GPHN: variants seen among roughly 807,000 people sequenced by gnomAD.
GPHN encodes gephyrin.
A neutral mutation model predicts 95.5 loss-of-function variants in GPHN; 17 were observed. That is an observed-to-expected ratio of 0.18 (90% CI 0.12 to 0.27). GPHN has a LOEUF of 0.27. Ranked by LOEUF, GPHN falls within the 10% of genes least tolerant of loss-of-function variation. The pLI, the probability that GPHN is intolerant of heterozygous loss-of-function variation, is 1.00. For synonymous variants in GPHN, 320 were observed against 322.5 expected, an observed-to-expected ratio of 0.99 and a Z score of 0.08; for missense variants, 660 against 978.1, an observed-to-expected ratio of 0.67 and a Z score of 4.34.
At chr14:66,778,553 A>T (rs2059477859) in intron 3 of GPHN, among the ~76,000 whole-genome samples, 1 of 152,122 alleles carries the variant, frequency 6.6e-6, no homozygotes, top group Non-Finnish European at 1.5e-5. Context: ...TTAATAATGA[A>T]GAATAAACAA....
the GPHN span, chr14:67,345,710 C>T: frequency 2.8e-5 from 34 of 1,195,432 alleles, no homozygotes; most frequent in Non-Finnish European, 4.1e-5. Context: ...CCTGACTCTC[C>T]TCCACTTGAC....
At chr14:67,049,328 C>T (rs1464088725) in intron 10 of GPHN, among the ~76,000 whole-genome samples, 2 of 150,346 alleles carry the variant, frequency 1.3e-5, no homozygotes, top group East Asian at 2.0e-4. Flanking sequence ...CCCGGGTTCA[C>T]GCCTTTCTCC....
the GPHN span, among the ~76,000 whole-genome samples, chr14:67,584,409 C>T: frequency 6.6e-6 from 1 of 152,192 alleles, no homozygotes; most frequent in African/African-American, 2.4e-5. Context: ...AGAGTGCTTT[C>T]ATTTTTTTTA....
chr14:66,546,308 C>T lies in GPHN; in HGVS notation c.64+37717C>T, dbSNP rs557621331. On this transcript the variant is annotated intron_variant, in intron 1 of 22. Coordinates refer to ENST00000478722, the MANE Select transcript of GPHN (RefSeq NM_020806.5). ...CAGACTGGGCAGCCAGGCAGAGGGG[C>T]TCCTCACGTCCCAGATGATGGGCGG... Among the ~76,000 whole-genome samples the T allele has an allele frequency of 3.0e-3, 455 of 151,676 alleles. 2 individuals are homozygous for T. The highest frequency in any genetic ancestry group is 0.01 in the African/African-American group (432 of 41,338).
chr14:66,586,429 T>G (rs1277073761), intron 1 of GPHN, among the ~76,000 whole-genome samples: 2 of 152,180 alleles, frequency 1.3e-5, no homozygotes, highest in African/African-American at 4.8e-5. Context: ...ATCCTGTCAT[T>G]ATGATGTTAG....
In GPHN at chr14:67,137,291, G is replaced by A. The variant is rs554297448; in HGVS notation, c.1749-6071G>A. Among the ~76,000 whole-genome samples, 462 of 151,692 alleles carry A rather than the reference G, an allele frequency of 3.0e-3. 5 individuals are homozygous for A. Among genetic ancestry groups the A allele is most frequent in the African/African-American group, 0.011 (445 of 41,512 alleles). On this transcript the variant is annotated intron_variant, in intron 17 of 22. Transcript: ENST00000478722. Reference sequence around the variant, plus strand: ...CTCCCGAGTAGCTGGGACTACAGGTGCCCGCCACCACGCCCGGCTAATTTT... The same window carrying A: ...CTCCCGAGTAGCTGGGACTACAGGTACCCGCCACCACGCCCGGCTAATTTT...
chr14:66,680,700 CCTTT>C (rs997586878), intron 1 of GPHN, among the ~76,000 whole-genome samples: 1 of 152,112 alleles, frequency 6.6e-6, no homozygotes, highest in African/African-American at 2.4e-5. Flanking sequence ...TTTAGTTTCT[CCTTT>C]CTATTTCCCT....
chr14:66,980,393 T>C (rs1452178925), intron 9 of GPHN, among the ~76,000 whole-genome samples: 1 of 152,190 alleles, frequency 6.6e-6, no homozygotes, highest in Non-Finnish European at 1.5e-5. Context: ...AACTTTTTTT[T>C]GGTCTCATGT....
chr14:66,843,395 T>C (rs2062176822), intron 4 of GPHN, among the ~76,000 whole-genome samples: 1 of 152,208 alleles, frequency 6.6e-6, no homozygotes, highest in African/African-American at 2.4e-5. Flanking sequence ...TGAGATTGTT[T>C]AGCATTTCTG....
intron 1 of GPHN, among the ~76,000 whole-genome samples, chr14:66,650,324 G>A (rs2064982876): frequency 6.6e-6 from 1 of 152,120 alleles, no homozygotes; most frequent in Admixed American, 6.5e-5. Context: ...TGAACATAAA[G>A]AACAGAAGCA....
chr14:67,662,360 A>C, the GPHN span: 5 of 962,052 alleles, frequency 5.2e-6, no homozygotes, highest in Non-Finnish European at 7.9e-6. Flanking sequence ...TTTAGTAAGA[A>C]ATAGTCAAAA....
intron 4 of GPHN, among the ~76,000 whole-genome samples, chr14:66,854,573 T>C (rs1022823436): frequency 6.6e-6 from 1 of 152,228 alleles, no homozygotes; most frequent in Admixed American, 6.5e-5. Context: ...TTAGGACAAC[T>C]GATTCTTTTT....
At chr14:67,439,794 A>C in the GPHN span, among the ~76,000 whole-genome samples, 1 of 151,914 alleles carries the variant, frequency 6.6e-6, no homozygotes, top group African/African-American at 2.4e-5. Flanking sequence ...TTATGCTTTT[A>C]GTGTTAAAAT....
chr14:67,392,894 G>T, the GPHN span: 1 of 1,494,266 alleles, frequency 6.7e-7, no homozygotes, highest in East Asian at 2.3e-5. Flanking sequence ...ATGGACCAGC[G>T]TCCTTGGGGT....
chr14:67,539,355 G>A, the GPHN span, among the ~76,000 whole-genome samples: 1 of 152,182 alleles, frequency 6.6e-6, no homozygotes, highest in Non-Finnish European at 1.5e-5. Context: ...AGGTCACAAT[G>A]CAGGGATTGT....
the GPHN span, chr14:67,642,508 A>T: frequency 4.0e-5 from 39 of 985,386 alleles, no homozygotes; most frequent in South Asian, 6.5e-4. Context: ...GCAAGCATTT[A>T]AATGTCTAAG....
chr14:66,745,388 G>T (rs961307618), intron 2 of GPHN, among the ~76,000 whole-genome samples: 4 of 151,950 alleles, frequency 2.6e-5, no homozygotes, highest in African/African-American at 9.7e-5. Flanking sequence ...TAAGGACATT[G>T]TTCACCGTAC....
chr14:66,681,625 A>G (rs866072301), intron 2 of GPHN, among the ~76,000 whole-genome samples: 1 of 152,242 alleles, frequency 6.6e-6, no homozygotes. Context: ...TATATTTCTG[A>G]TGTTTTACAT....
chr14:67,544,658 C>T, the GPHN span, among the ~76,000 whole-genome samples: 1 of 152,170 alleles, frequency 6.6e-6, no homozygotes, highest in Non-Finnish European at 1.5e-5. Context: ...GAACAAGACA[C>T]TACCTAAAAA....
Sources: gnomAD v4.1 joint callset for allele counts (sites outside exome capture counted in the v4.1 genomes callset) on GRCh38, gnomAD v4.1.1 for gene constraint, MANE v1.5 for transcripts, NCBI Gene and HGNC (gene_info 2026-07-23, HGNC 2026-07-21) for gene names.